The following MSI2 variants were observed in gnomAD, a reference collection of about 807,000 sequenced individuals.
MSI2 encodes RNA-binding protein Musashi homolog 2.
A neutral mutation model predicts 45.6 loss-of-function variants in MSI2; 17 were observed. The observed-to-expected ratio is 0.37, with a 90% CI of 0.26 to 0.56. The LOEUF is 0.56. Among genes scored for constraint, MSI2 ranks in the 20% least tolerant of loss-of-function variants. The pLI is 0.77. For missense variants in MSI2, 293 were observed against 444.2 expected (o/e 0.66, Z 3.06); for synonymous variants, 156 against 158.2 (o/e 0.99, Z 0.11).
intron 5 of MSI2, among the ~76,000 whole-genome samples, chr17:57,388,263 G>A (rs1022483119): frequency 1.1e-4 from 17 of 152,238 alleles, no homozygotes; most frequent in African/African-American, 3.1e-4. Context: ...CTCAAAGGAA[G>A]TTACTTGTGG....
At chr17:57,560,031 G>C (rs528446728) in intron 7 of MSI2, among the ~76,000 whole-genome samples, 1 of 152,256 alleles carries the variant, frequency 6.6e-6, no homozygotes, top group African/African-American at 2.4e-5. Context: ...TTTGTGCTCC[G>C]AACATATTAT....
chr17:57,495,633 C>T (rs2085965309), intron 6 of MSI2, among the ~76,000 whole-genome samples: 1 of 151,822 alleles, frequency 6.6e-6, no homozygotes, highest in Non-Finnish European at 1.5e-5. Flanking sequence ...GTCCAATTCT[C>T]CATGTCTGCC....
intron 5 of MSI2, among the ~76,000 whole-genome samples, chr17:57,303,441 G>A (rs1252229311): frequency 6.6e-6 from 1 of 152,184 alleles, no homozygotes; most frequent in Non-Finnish European, 1.5e-5. Flanking sequence ...TGTGAAGGGG[G>A]AAAAATATCA....
intron 10 of MSI2, chr17:57,632,309 CAG>C (rs1299458942): frequency 7.9e-5 from 84 of 1,069,784 alleles, no homozygotes; most frequent in Non-Finnish European, 9.5e-5. Context: ...GGTGAACACA[CAG>C]AGACAGACTA....
rs549372576 is a variant in MSI2, at chr17:57,646,561, A to C, written c.728-5538A>C. On this transcript the variant is annotated intron_variant, in intron 10 of 13. Transcript: ENST00000284073. ...AGGTCATCTTGCCCAACCTCCTTGC[A>C]ACAGAGAAAAGTTACACAGGGCCCG... Among the ~76,000 whole-genome samples, 3 of 152,324 alleles carry C rather than the reference A, an allele frequency of 2.0e-5. No individual in the cohort carries two copies. The East Asian group carries it at 5.8e-4, about 29-fold the overall frequency.
intron 6 of MSI2, among the ~76,000 whole-genome samples, chr17:57,480,409 C>T (rs1183006052): frequency 6.6e-6 from 1 of 152,222 alleles, no homozygotes; most frequent in Non-Finnish European, 1.5e-5. Context: ...CTATAACTTT[C>T]TTAATATTTC....
At chr17:57,575,497 T>C (rs2088012708) in intron 7 of MSI2, among the ~76,000 whole-genome samples, 1 of 152,128 alleles carries the variant, frequency 6.6e-6, no homozygotes, top group Non-Finnish European at 1.5e-5. Context: ...CAAATGAGCT[T>C]TTCCAGACAA....
chr17:57,421,674 A>G (rs1383910923), intron 6 of MSI2, among the ~76,000 whole-genome samples: 2 of 152,188 alleles, frequency 1.3e-5, no homozygotes, highest in Admixed American at 6.5e-5. Flanking sequence ...GCTTGAGGCC[A>G]GAAGTTTGAG....
chr17:57,258,392 A>G (rs754761496), intron 4 of MSI2, 38 bp downstream of exon 4: 3 of 1,535,976 alleles, frequency 2.0e-6, no homozygotes, highest in Non-Finnish European at 1.8e-6. Flanking sequence ...GCCCCTTTTC[A>G]GGAACGATCT....
rs2086416755 is a variant in MSI2, at chr17:57,514,131, G to A, written c.406-15545G>A. ...ATAGGGAAGTGTAGTAAATCTACCA[G>A]GAACAGGACGTTGGCCCCTGTACTA... On this transcript the variant is annotated intron_variant, in intron 6 of 13. Coordinates refer to ENST00000284073, the MANE Select transcript of MSI2 (RefSeq NM_138962.4). Among the ~76,000 whole-genome samples, 3 of 152,210 alleles carry A rather than the reference G, an allele frequency of 2.0e-5. No individual in the cohort carries two copies. In the South Asian group the frequency reaches 6.2e-4, roughly 32 times the overall value.
At chr17:57,656,453 T>C (rs1032525692) in intron 11 of MSI2, among the ~76,000 whole-genome samples, 10 of 152,204 alleles carry the variant, frequency 6.6e-5, no homozygotes, top group African/African-American at 2.4e-4. Flanking sequence ...CTTGAGTCCT[T>C]TGGCAGGTCA....
chr17:57,425,244 C>T (rs1281810284), intron 6 of MSI2, among the ~76,000 whole-genome samples: 1 of 152,066 alleles, frequency 6.6e-6, no homozygotes. Context: ...GAAGAAAGTC[C>T]CACATTTTGC....
At chr17:57,563,466 T>C (rs562068518) in intron 7 of MSI2, among the ~76,000 whole-genome samples, 12 of 152,108 alleles carry the variant, frequency 7.9e-5, no homozygotes, top group Non-Finnish European at 1.5e-4. Flanking sequence ...TGAGAGCAGG[T>C]AGGCCACTGC....
chr17:57,391,122 A>G (rs1337282131), intron 5 of MSI2, among the ~76,000 whole-genome samples: 1 of 152,164 alleles, frequency 6.6e-6, no homozygotes, highest in East Asian at 1.9e-4. Flanking sequence ...GTGTTCCTAA[A>G]TCCTGCAGCC....
intron 6 of MSI2, among the ~76,000 whole-genome samples, chr17:57,411,827 T>C (rs1179684886): frequency 1.3e-5 from 2 of 151,918 alleles, no homozygotes; most frequent in African/African-American, 4.8e-5. Context: ...GCCAACATGG[T>C]GAAACCCTGT....
intron 6 of MSI2, among the ~76,000 whole-genome samples, chr17:57,438,380 A>G (rs924437415): frequency 1.3e-5 from 2 of 152,174 alleles, no homozygotes; most frequent in Non-Finnish European, 2.9e-5. Context: ...CAAGGGGGCC[A>G]TAAATTGTTA....
At chr17:57,323,023 G>T (rs967302818) in intron 5 of MSI2, among the ~76,000 whole-genome samples, 19 of 151,926 alleles carry the variant, frequency 1.3e-4, no homozygotes, top group Non-Finnish European at 2.1e-4. Flanking sequence ...TTGGTGGGGG[G>T]AGAGGGACTG....
chr17:57,322,353 T>A (rs190644730), intron 5 of MSI2, among the ~76,000 whole-genome samples: 1 of 152,162 alleles, frequency 6.6e-6, no homozygotes. Flanking sequence ...AGAGTCTGAT[T>A]AGGAGAACTT....
At chr17:57,613,854 G>A (rs1907411705) in intron 8 of MSI2, among the ~76,000 whole-genome samples, 1 of 152,072 alleles carries the variant, frequency 6.6e-6, no homozygotes, top group Non-Finnish European at 1.5e-5. Context: ...ACTTTTTAAG[G>A]CATTTGTGGT....
Sources: allele counts gnomAD v4.1 joint callset (sites outside exome capture counted in the v4.1 genomes callset), GRCh38; gene constraint gnomAD v4.1.1; transcripts MANE v1.5; gene names NCBI Gene and HGNC (gene_info 2026-07-23, HGNC 2026-07-21).